HOMEZ: variants seen among roughly 807,000 people sequenced by gnomAD.
HOMEZ encodes the protein homeobox and leucine zipper encoding, also known as homeobox and leucine zipper protein Homez.
In HOMEZ, 20 loss-of-function variants were observed where a neutral mutation model predicts 50.1. The ratio of observed to expected loss-of-function variants is 0.40; its 90% CI spans 0.28 to 0.58. The LOEUF is 0.58. HOMEZ is among the 20% of genes least tolerant of loss of function. The probability of loss-of-function intolerance (pLI) is 0.46; values close to 1 mark genes in which losing one functional copy is unlikely to be tolerated. For synonymous variants in HOMEZ, 239 were observed against 254.7 expected, an observed-to-expected ratio of 0.94 and a Z score of 0.59; for missense variants, 579 against 680.5, an observed-to-expected ratio of 0.85 and a Z score of 1.66.
rs966642085 is a variant in HOMEZ at position 23,274,032 on chromosome 14, G to A, written c.*1543C>T. ...CATTAATCCCTAAACCATAGGAGTG[G>A]CAAAGTGGTTGAGAGAGAAACAATT... On this transcript the variant is annotated 3_prime_UTR_variant, in exon 2 of 2. Transcript: ENST00000357460. The A allele has an allele frequency of 1.0e-4, 16 of 152,608 alleles. No homozygotes were observed. Among genetic ancestry groups the A allele is most frequent in the African/African-American group, 3.9e-4 (16 of 41,450 alleles). 9.5% of individuals were successfully genotyped at this position (152,608 alleles called of 1,614,324 possible). A position where few individuals can be genotyped will look rare whatever the true frequency, so the allele number is the denominator to read the frequency against.
In HOMEZ at chr14:23,280,710, TTTTTATTTTA is replaced by T. The variant is rs1310956438; in HGVS notation, c.41-3533_41-3524del. 5.0e-4 allele frequency among the ~76,000 whole-genome samples: 31 copies of T among 62,112 alleles called. 2 individuals carry two copies. Among genetic ancestry groups the T allele is most frequent in the African/African-American group, 1.2e-3 (23 of 19,404 alleles). 40.7% of individuals were successfully genotyped at this position (62,112 alleles called of 152,430 possible). On this transcript the variant is annotated intron_variant, in intron 1 of 1. Transcript: ENST00000357460. ...TTTTATTTTTATTTTTATATTTTTA[TTTTTATTTTA>T]TTTTATTTTATTTTATTTTATTATT...
intron 1 of HOMEZ, among the ~76,000 whole-genome samples, chr14:23,280,701 ATATTT>A (rs1886488872): frequency 1.4e-5 from 1 of 69,992 alleles, no homozygotes; most frequent in African/African-American, 4.3e-5. Flanking sequence ...TTTTATTTTT[ATATTT>A]TTATTTTTAT....
At chr14:23,280,756 T>C (rs1424215666) in intron 1 of HOMEZ, among the ~76,000 whole-genome samples, 2 of 87,576 alleles carry the variant, frequency 2.3e-5, no homozygotes, top group African/African-American at 3.9e-5. Flanking sequence ...TTATTTTATT[T>C]TATTTTATTT....
At chr14:23,280,937 CT>C (rs1013993247) in intron 1 of HOMEZ, among the ~76,000 whole-genome samples, 2 of 150,968 alleles carry the variant, frequency 1.3e-5, no homozygotes, top group Admixed American at 6.7e-5. Context: ...CCACACCTGG[CT>C]TTTTTGTATT....
At chr14:23,282,802 A>C (rs1416824352) in intron 1 of HOMEZ, among the ~76,000 whole-genome samples, 1 of 152,180 alleles carries the variant, frequency 6.6e-6, no homozygotes, top group Middle Eastern at 3.2e-3. Flanking sequence ...TTTCAGTGTA[A>C]CATACAGTAC....
Position 23,275,380 on chromosome 14 carries a change from C to T in HOMEZ, c.*195G>A, listed in dbSNP as rs1446624750. 14 of 646,292 alleles carry T rather than the reference C, an allele frequency of 2.2e-5. No homozygotes were observed. Among genetic ancestry groups the T allele is most frequent in the Non-Finnish European group, 3.4e-5 (13 of 387,542 alleles). 40.0% of individuals were successfully genotyped at this position (646,292 alleles called of 1,614,324 possible). A position where few individuals can be genotyped will look rare whatever the true frequency, so the allele number is the denominator to read the frequency against. ...GGGTTGGATTTCTGCTGATCCAATC[C>T]CAGCCTTACTTAGTGCCCTATGGTC... On this transcript the variant is annotated 3_prime_UTR_variant, in exon 2 of 2. Transcript: ENST00000357460.
At chr14:23,285,866 C>G in intron 1 of HOMEZ, 47 bp downstream of exon 1, 2 of 1,108,154 alleles carry the variant, frequency 1.8e-6, no homozygotes, top group Non-Finnish European at 2.3e-6. Context: ...GGTGGGAGAC[C>G]GTACACGAGC....
At chr14:23,283,571 A>C (rs1010627658) in intron 1 of HOMEZ, among the ~76,000 whole-genome samples, 4 of 152,138 alleles carry the variant, frequency 2.6e-5, no homozygotes, top group Non-Finnish European at 4.4e-5. Context: ...GTTTGAACCT[A>C]GGCTTATCGT....
rs118091743 is a variant in HOMEZ, at chr14:23,278,526, C to T, written c.41-1339G>A. ...GACTACAGGTACATGCAGCCATATC[C>T]GGCTAATTTTAAAATTTTTTGTAGA... On this transcript the variant is annotated intron_variant, in intron 1 of 1. Transcript: ENST00000357460. Among the ~76,000 whole-genome samples, 192 of 151,966 alleles carry T rather than the reference C, an allele frequency of 1.3e-3. 3 individuals are homozygous for T. The East Asian group carries it at 0.035, about 27-fold the overall frequency.
chr14:23,284,992 G>A (rs531724242), intron 1 of HOMEZ: 2 of 152,176 alleles, frequency 1.3e-5, no homozygotes, highest in African/African-American at 4.8e-5. Context: ...AAGTTCTCAG[G>A]GTACAGCCAG....
Position 23,275,810 on chromosome 14 carries a change from T to G in HOMEZ, c.1418A>C (p.His473Pro). The G allele has an allele frequency of 6.2e-7, 1 of 1,609,766 alleles. No individual in the cohort carries two copies. The highest frequency in any genetic ancestry group is 8.5e-7 in the Non-Finnish European group (1 of 1,177,454). The change falls in exon 2 of 2, where the codon CAC becomes CCC. Residue 473 changes from histidine to proline, a missense_variant. His to Pro is a moderately conservative substitution (Grantham distance 77, BLOSUM62 -2). Transcript: ENST00000357460. ...IQPLERYWAA[H>P]QQLRETDIPQ... Reference sequence around the variant, plus strand: ...GATATCAGTTTCCCGTAGCTGTTGGTGGGCTGCCCAGTACCTCTCCAAGGG... The same window carrying G: ...GATATCAGTTTCCCGTAGCTGTTGGGGGGCTGCCCAGTACCTCTCCAAGGG...
At chr14:23,280,740 A>ATTATTTTATTTTATTTTATTTTATT (rs1277086572) in intron 1 of HOMEZ, among the ~76,000 whole-genome samples, 487 of 41,264 alleles carry the variant, frequency 0.012, 63 homozygotes, top group East Asian at 0.039. Flanking sequence ...ATTTTATTTT[A>ATTATTTTATTTTATTTTATTTTATT]TTATTTTATT....
intron 1 of HOMEZ, among the ~76,000 whole-genome samples, chr14:23,283,365 C>T (rs1288732429): frequency 3.3e-5 from 5 of 151,698 alleles, no homozygotes; most frequent in Admixed American, 6.6e-5. Flanking sequence ...AGCGAGACCT[C>T]GCCTCTACAA....
chr14:23,285,231 G>A (rs1378701482), intron 1 of HOMEZ: 1 of 151,516 alleles, frequency 6.6e-6, no homozygotes, highest in African/African-American at 2.4e-5. Flanking sequence ...TCAAGTGTAT[G>A]ATGGGAAGGA....
At chr14:23,280,303 G>C (rs1886460521) in intron 1 of HOMEZ, among the ~76,000 whole-genome samples, 1 of 152,062 alleles carries the variant, frequency 6.6e-6, no homozygotes, top group African/African-American at 2.4e-5. Context: ...CCCTCCCCCA[G>C]CCTTTGTCTC....
intron 1 of HOMEZ, among the ~76,000 whole-genome samples, chr14:23,280,860 G>A (rs545546953): frequency 1.3e-5 from 2 of 149,820 alleles, no homozygotes; most frequent in African/African-American, 2.4e-5. Context: ...TGCAACCTCC[G>A]CCTCCTGGGT....
At position 23,280,722 on chromosome 14, in the gene HOMEZ, T is replaced by TTTA. The variant is rs1374473741; in HGVS notation, c.41-3538_41-3536dup. Among the ~76,000 whole-genome samples, 115 of 66,896 alleles carry TTTA rather than the reference T, an allele frequency of 1.7e-3. 2 individuals carry two copies. The highest frequency in any genetic ancestry group is 5.9e-3 in the Middle Eastern group (1 of 170). The allele number at this position is 66,896 out of a possible 152,430, so 43.9% of individuals were successfully genotyped here. A position where few individuals can be genotyped will look rare whatever the true frequency, so the allele number is the denominator to read the frequency against. On this transcript the variant is annotated intron_variant, in intron 1 of 1. Transcript: ENST00000357460. ...TTTTATATTTTTATTTTTATTTTATTTTATTTTATTTTATTTTATTATTTT... is the reference window on the plus strand; with the variant it reads ...TTTTATATTTTTATTTTTATTTTATTTTATTATTTTATTTTATTTTATTATTTT...
Position 23,276,427 on chromosome 14 carries a change from T to G in HOMEZ, c.801A>C (p.Ala267=). The change falls in exon 2 of 2, where the codon GCA becomes GCC. Residue 267 remains alanine (A), a synonymous_variant. Coordinates refer to ENST00000357460, the MANE Select transcript of HOMEZ (RefSeq NM_020834.3). This position sits in a 1 kb window ranked among gnomAD's most constrained non-coding sequence, Gnocchi z 4.1. ...PQARDKPPPI[A]LIASSCKEES... is the part of the protein sequence containing the mutation. ...CCTCCTTACAACTACTGGCAATTAATGCAATTGGTGGGGGTTTATCCCGAG... is the reference window on the plus strand; with the variant it reads ...CCTCCTTACAACTACTGGCAATTAAGGCAATTGGTGGGGGTTTATCCCGAG... 6.2e-7 allele frequency: 1 copy of G among 1,614,024 alleles called. No homozygotes were observed. The highest frequency in any genetic ancestry group is 8.5e-7 in the Non-Finnish European group (1 of 1,179,898).
chr14:23,281,764 G>A (rs117664382), intron 1 of HOMEZ, among the ~76,000 whole-genome samples: 5,247 of 150,780 alleles, frequency 0.035, 159 homozygotes, highest in South Asian at 0.17. Flanking sequence ...AGGAGTTTGA[G>A]GCCAGCCTGG....
Sources: gnomAD v4.1 joint callset for allele counts (sites outside exome capture counted in the v4.1 genomes callset) on GRCh38, gnomAD v4.1.1 for gene constraint, Gnocchi (gnomAD v3.1) non-coding constraint, MANE v1.5 for transcripts, NCBI Gene and HGNC (gene_info 2026-07-23, HGNC 2026-07-21) for gene names.